RHBDD1: variants seen among roughly 807,000 people sequenced by gnomAD.
RHBDD1 encodes rhomboid domain containing 1, also known as rhomboid-related protein 4.
In RHBDD1, 38 loss-of-function variants were observed where a neutral mutation model predicts 36.3. The ratio of observed to expected loss-of-function variants is 1.05; its 90% CI spans 0.81 to 1.37. RHBDD1 has a LOEUF of 1.37. Ranked by LOEUF, RHBDD1 falls within the 40% of genes most tolerant of loss-of-function variation. RHBDD1 has a pLI of 0.00. For synonymous variants in RHBDD1, 151 were observed against 136.5 expected (o/e 1.11, Z -0.74); for missense variants, 393 against 377.6 (o/e 1.04, Z -0.34).
chr2:226,961,909 C>T lies in RHBDD1; in HGVS notation c.857-33522C>T, dbSNP rs375800141. ...AGGTGAGGAAATGAAGGTGCAGAGA[C>T]GCTAAGTAACTTGCCCACTTACTCA... On this transcript the variant is annotated intron_variant, in intron 8 of 8. Transcript: ENST00000392062. Among the ~76,000 whole-genome samples, 18 of 152,266 alleles carry T rather than the reference C, an allele frequency of 1.2e-4. No homozygotes were observed. In the East Asian group the frequency reaches 1.7e-3, roughly 15 times the overall value.
chr2:226,932,507 T>C (rs1233732153), intron 8 of RHBDD1, among the ~76,000 whole-genome samples: 1 of 152,134 alleles, frequency 6.6e-6, no homozygotes, highest in Non-Finnish European at 1.5e-5. Context: ...TACCATCACC[T>C]TATTTTAAGG....
upstream of RHBDD1, among the ~76,000 whole-genome samples, chr2:226,834,488 A>T (rs1940820764): frequency 2.6e-5 from 4 of 152,342 alleles, no homozygotes; most frequent in South Asian, 8.3e-4. Context: ...TTTGCTAAGA[A>T]TCTTCTTTGT....
At chr2:226,912,856 T>G (rs1001307824) in intron 7 of RHBDD1, among the ~76,000 whole-genome samples, 1 of 152,178 alleles carries the variant, frequency 6.6e-6, no homozygotes. Flanking sequence ...ATTGTATGGA[T>G]GTCAATTATA....
chr2:226,973,599 G>A (rs1953992734), intron 8 of RHBDD1, among the ~76,000 whole-genome samples: 1 of 152,194 alleles, frequency 6.6e-6, no homozygotes, highest in Non-Finnish European at 1.5e-5. Context: ...CCCTTAGCAA[G>A]GACCTCTCTA....
At chr2:226,833,188 C>T (rs1046286751), upstream of RHBDD1, among the ~76,000 whole-genome samples, 10 of 152,078 alleles carry the variant, frequency 6.6e-5, no homozygotes, top group African/African-American at 2.2e-4. Context: ...CAAGCTTTTC[C>T]ATAACTAGAA....
the RHBDD1 span, among the ~76,000 whole-genome samples, chr2:226,800,493 G>GTC: frequency 6.6e-6 from 1 of 152,178 alleles, no homozygotes; most frequent in African/African-American, 2.4e-5. Flanking sequence ...CCCAGGAAGT[G>GTC]TCTCACGTCC....
chr2:226,925,658 T>TAA (rs1380805050), intron 8 of RHBDD1, among the ~76,000 whole-genome samples: 6 of 152,246 alleles, frequency 3.9e-5, no homozygotes, highest in African/African-American at 1.4e-4. Context: ...TAAATTTTTA[T>TAA]AAAGCTGCTT....
chr2:226,922,332 C>T (rs1261652677), intron 8 of RHBDD1, among the ~76,000 whole-genome samples: 9 of 151,420 alleles, frequency 5.9e-5, no homozygotes, highest in Admixed American at 3.3e-4. Context: ...CTCAGCCTCC[C>T]GAGTAGCTGG....
chr2:226,803,962 T>A, the RHBDD1 span: 3 of 152,202 alleles, frequency 2.0e-5, no homozygotes, highest in Admixed American at 6.5e-5. Flanking sequence ...TAGGTGATGC[T>A]GATTCTGCTG....
At chr2:226,933,025 G>A (rs1018463377) in intron 8 of RHBDD1, among the ~76,000 whole-genome samples, 3 of 152,188 alleles carry the variant, frequency 2.0e-5, no homozygotes, top group South Asian at 2.1e-4. Flanking sequence ...AAGCAGGCAC[G>A]TTCTTCGCAG....
intron 8 of RHBDD1, among the ~76,000 whole-genome samples, chr2:226,928,796 C>T (rs1322660505): frequency 4.0e-5 from 6 of 151,874 alleles, no homozygotes; most frequent in Non-Finnish European, 1.5e-5. Context: ...TTCAAATAAG[C>T]TGAATTAGAA....
intron 5 of RHBDD1, among the ~76,000 whole-genome samples, chr2:226,899,064 G>A (rs1215636981): frequency 6.6e-6 from 1 of 152,214 alleles, no homozygotes; most frequent in African/African-American, 2.4e-5. Flanking sequence ...TAATAGAGGA[G>A]GGCCTTTATA....
chr2:226,915,446 A>G (rs1393514091), intron 8 of RHBDD1, among the ~76,000 whole-genome samples: 1 of 152,130 alleles, frequency 6.6e-6, no homozygotes, highest in African/African-American at 2.4e-5. Flanking sequence ...CCAAGTGGAA[A>G]GTGGATTTAG....
chr2:226,963,710 T>C (rs1376591647), intron 8 of RHBDD1, among the ~76,000 whole-genome samples: 4 of 152,164 alleles, frequency 2.6e-5, no homozygotes, highest in African/African-American at 7.2e-5. Flanking sequence ...CTAGGCTTCT[T>C]GGAATGTGGA....
intron 8 of RHBDD1, among the ~76,000 whole-genome samples, chr2:226,949,939 T>A (rs1253385541): frequency 6.6e-6 from 1 of 152,190 alleles, no homozygotes; most frequent in Non-Finnish European, 1.5e-5. Context: ...AATTAATTAT[T>A]TAGTTGATCA....
chr2:226,914,669 T>C (rs1948772267), intron 8 of RHBDD1: 1 of 166,864 alleles, frequency 6.0e-6, no homozygotes, highest in Non-Finnish European at 1.3e-5. Flanking sequence ...AGATTTTCTT[T>C]GGAATTCATA....
At chr2:226,801,119 C>T in the RHBDD1 span, among the ~76,000 whole-genome samples, 5 of 152,352 alleles carry the variant, frequency 3.3e-5, no homozygotes, top group African/African-American at 9.6e-5. Flanking sequence ...CGCCGGGACC[C>T]TCCTCGGCCT....
At chr2:226,927,662 G>A (rs1575129932) in intron 8 of RHBDD1, among the ~76,000 whole-genome samples, 1 of 151,966 alleles carries the variant, frequency 6.6e-6, no homozygotes, top group Non-Finnish European at 1.5e-5. Context: ...TTTTATCTTA[G>A]CCATTCAAAT....
chr2:226,960,394 G>A lies in RHBDD1; in HGVS notation c.857-35037G>A, dbSNP rs11898767. 3.2e-3 allele frequency among the ~76,000 whole-genome samples: 487 copies of A among 152,238 alleles called. 26 individuals are homozygous for A. In the East Asian group the frequency reaches 0.084, roughly 26 times the overall value. On this transcript the variant is annotated intron_variant, in intron 8 of 8. Coordinates refer to ENST00000392062, the MANE Select transcript of RHBDD1 (RefSeq NM_001167608.3). ...CATCACTTCACATCCAGCTTACTCTGTGCATAAGAGAATTTCACTCTTTTA... is the reference window on the plus strand; with the variant it reads ...CATCACTTCACATCCAGCTTACTCTATGCATAAGAGAATTTCACTCTTTTA...
Sources: allele counts gnomAD v4.1 joint callset (sites outside exome capture counted in the v4.1 genomes callset), GRCh38; gene constraint gnomAD v4.1.1; transcripts MANE v1.5; gene names NCBI Gene and HGNC (gene_info 2026-07-23, HGNC 2026-07-21).